INPP4B: variants seen among roughly 807,000 people sequenced by gnomAD.
INPP4B encodes inositol polyphosphate-4-phosphatase type II B, also known as inositol polyphosphate 4-phosphatase type II.
INPP4B carries 55 observed loss-of-function variants against 122.5 expected under a neutral mutation model. That is an observed-to-expected ratio of 0.45 (90% CI 0.36 to 0.56). INPP4B has a LOEUF of 0.56. INPP4B is among the 20% of genes least tolerant of loss of function. The pLI is 0.00. For synonymous variants in INPP4B, 403 were observed against 388.7 expected (o/e 1.04, Z -0.43); for missense variants, 1,000 against 1,097.7 (o/e 0.91, Z 1.26).
chr4:142,146,393 G>C (rs1810744587), intron 17 of INPP4B, among the ~76,000 whole-genome samples: 1 of 151,994 alleles, frequency 6.6e-6, no homozygotes, highest in African/African-American at 2.4e-5. Context: ...AGAAATTCTT[G>C]GAGTATTTTT....
At chr4:142,598,816 C>T (rs1038932809) in intron 2 of INPP4B, among the ~76,000 whole-genome samples, 2 of 152,120 alleles carry the variant, frequency 1.3e-5, no homozygotes, top group East Asian at 3.9e-4. Flanking sequence ...GAGAGCAGAA[C>T]CCCTTCTGCC....
intron 1 of INPP4B, among the ~76,000 whole-genome samples, chr4:142,787,399 C>T (rs1011600472): frequency 2.0e-5 from 3 of 152,078 alleles, no homozygotes; most frequent in Admixed American, 6.6e-5. Context: ...TGCTTGCCTT[C>T]CACCATGGGA....
intron 17 of INPP4B, among the ~76,000 whole-genome samples, chr4:142,160,125 T>G (rs968329497): frequency 1.3e-5 from 2 of 152,030 alleles, no homozygotes; most frequent in Non-Finnish European, 2.9e-5. Flanking sequence ...CATCTTTACT[T>G]GGATGACAGA....
At chr4:142,149,822 C>T (rs1328073950) in intron 17 of INPP4B, among the ~76,000 whole-genome samples, 1 of 152,138 alleles carries the variant, frequency 6.6e-6, no homozygotes, top group Admixed American at 6.5e-5. Context: ...CATAAGTGAC[C>T]TGCATTAATA....
chr4:142,411,271 G>A (rs1022322652), intron 5 of INPP4B, among the ~76,000 whole-genome samples: 4 of 152,214 alleles, frequency 2.6e-5, no homozygotes, highest in South Asian at 2.1e-4. Context: ...GTGGATGATG[G>A]CCCACAGGGG....
intron 7 of INPP4B, among the ~76,000 whole-genome samples, chr4:142,395,847 G>C (rs1264178200): frequency 6.6e-6 from 1 of 152,124 alleles, no homozygotes; most frequent in African/African-American, 2.4e-5. Context: ...ATCTAAAATT[G>C]TCAAACTCAT....
intron 2 of INPP4B, among the ~76,000 whole-genome samples, chr4:142,659,538 T>C (rs770490250): frequency 2.0e-5 from 3 of 152,196 alleles, no homozygotes; most frequent in Admixed American, 6.5e-5. Flanking sequence ...CTTGTTCCTA[T>C]GAACCAACCA....
intron 2 of INPP4B, among the ~76,000 whole-genome samples, chr4:142,607,619 C>A (rs80057692): frequency 0.062 from 9,370 of 152,078 alleles, 334 homozygotes; most frequent in South Asian, 0.1. Context: ...TGTCTATGTA[C>A]AAAACAAGTT....
intron 1 of INPP4B, among the ~76,000 whole-genome samples, chr4:142,752,746 A>G (rs1769922489): frequency 6.6e-6 from 1 of 152,024 alleles, no homozygotes; most frequent in Non-Finnish European, 1.5e-5. Flanking sequence ...AGCTGAGACT[A>G]CCTCCTATAA....
chr4:142,516,076 C>T (rs1320187414), intron 2 of INPP4B, among the ~76,000 whole-genome samples: 1 of 152,122 alleles, frequency 6.6e-6, no homozygotes, highest in Non-Finnish European at 1.5e-5. Context: ...GCAATCCAGT[C>T]AGTCAACTTT....
intron 2 of INPP4B, among the ~76,000 whole-genome samples, chr4:142,706,652 C>T (rs1476244375): frequency 3.3e-5 from 5 of 152,230 alleles, no homozygotes; most frequent in African/African-American, 1.2e-4. Context: ...TTACTGCATG[C>T]TTCAAAAATA....
intron 25 of INPP4B, among the ~76,000 whole-genome samples, chr4:142,066,383 C>G (rs143346653): frequency 4.6e-5 from 7 of 152,308 alleles, no homozygotes; most frequent in Middle Eastern, 6.8e-3. Context: ...TTACACTAGA[C>G]AAGCGGTTAT....
chr4:142,263,656 A>ATG (rs1741309553), intron 10 of INPP4B, among the ~76,000 whole-genome samples: 1 of 78,396 alleles, frequency 1.3e-5, no homozygotes, highest in Non-Finnish European at 2.3e-5. Flanking sequence ...ATATATATAT[A>ATG]TATATATATA....
intron 2 of INPP4B, among the ~76,000 whole-genome samples, chr4:142,623,696 C>A (rs1421391946): frequency 1.3e-5 from 2 of 151,560 alleles, no homozygotes; most frequent in Non-Finnish European, 2.9e-5. Context: ...TTAGGTATAT[C>A]TCCTAATGCT....
chr4:142,183,953 G>A (rs1832026190), intron 15 of INPP4B, among the ~76,000 whole-genome samples: 1 of 151,826 alleles, frequency 6.6e-6, no homozygotes, highest in Non-Finnish European at 1.5e-5. Context: ...TGTAGCCACA[G>A]CTATAGTGAA....
intron 1 of INPP4B, among the ~76,000 whole-genome samples, chr4:142,730,953 C>A (rs12640389): frequency 0.66 from 100,109 of 151,492 alleles, 33,239 homozygotes; most frequent in East Asian, 0.81. Flanking sequence ...GTTGCCGCAC[C>A]AAGTTTTTTT....
At chr4:142,690,240 G>A (rs1294029833) in intron 2 of INPP4B, among the ~76,000 whole-genome samples, 1 of 152,158 alleles carries the variant, frequency 6.6e-6, no homozygotes, top group Non-Finnish European at 1.5e-5. Flanking sequence ...GAGAGCTTGA[G>A]CCAACAAGGT....
chr4:142,523,423 T>A (rs6855256), intron 2 of INPP4B, among the ~76,000 whole-genome samples: 2,667 of 152,140 alleles, frequency 0.018, 80 homozygotes, highest in African/African-American at 0.06. Flanking sequence ...AGGGCTGAAA[T>A]TCTTCTTTTC....
intron 15 of INPP4B, among the ~76,000 whole-genome samples, chr4:142,190,104 AT>A (rs1835067089): frequency 6.6e-6 from 1 of 152,204 alleles, no homozygotes; most frequent in South Asian, 2.1e-4. Context: ...TGAGAAAAAA[AT>A]AAACAAAGGT....
Sources: gnomAD v4.1 joint callset for allele counts (sites outside exome capture counted in the v4.1 genomes callset) on GRCh38, gnomAD v4.1.1 for gene constraint, MANE v1.5 for transcripts, NCBI Gene and HGNC (gene_info 2026-07-23, HGNC 2026-07-21) for gene names.